Variants in MYO5A observed in about 807,000 individuals in gnomAD.
The protein encoded by MYO5A is myosin VA, also known as unconventional myosin-Va.
Under a neutral mutation model 249.7 loss-of-function variants are expected in MYO5A, and 98 were observed. That is an observed-to-expected ratio of 0.39 (90% CI 0.33 to 0.46). The LOEUF (loss-of-function observed/expected upper bound fraction) is 0.46. MYO5A is among the 20% of genes least tolerant of loss of function. The probability of loss-of-function intolerance (pLI) is 0.98; values close to 1 mark genes in which losing one functional copy is unlikely to be tolerated. For missense variants in MYO5A, 1,696 were observed against 2,308.8 expected, an observed-to-expected ratio of 0.73 and a Z score of 5.44; for synonymous variants, 778 against 810.6, an observed-to-expected ratio of 0.96 and a Z score of 0.68.
intron 1 of MYO5A, among the ~76,000 whole-genome samples, chr15:52,492,279 G>A (rs1394599036): frequency 6.6e-6 from 1 of 152,136 alleles, no homozygotes; most frequent in Non-Finnish European, 1.5e-5. Flanking sequence ...AAAAGACACG[G>A]AGCAAAATCA....
chr15:52,328,121 G>A, intron 35 of MYO5A, 115 bp from the exon 36 acceptor site: 1 of 859,790 alleles, frequency 1.2e-6, no homozygotes, highest in Non-Finnish European at 1.8e-6. Flanking sequence ...AGGTAAGTAG[G>A]TAATATAAAA....
rs566124725 is a variant in MYO5A at position 52,318,179 on chromosome 15, A to G, written c.5234+881T>C. On this transcript the variant is annotated intron_variant, in intron 39 of 41. Transcript: ENST00000399233. ...TTTTAAAATAAAAAATTTGTGGCCC[A>G]GCACGGTGGCTCACACCTGTAATCC... is the stretch of plus-strand genomic sequence containing the variant. Among the ~76,000 whole-genome samples the G allele has an allele frequency of 9.1e-4, 139 of 152,228 alleles. 6 individuals carry two copies. In the South Asian group the frequency reaches 0.028, roughly 31 times the overall value.
intron 31 of MYO5A, among the ~76,000 whole-genome samples, chr15:52,341,841 T>C (rs747812628): frequency 6.6e-6 from 1 of 152,214 alleles, no homozygotes; most frequent in Non-Finnish European, 1.5e-5. Flanking sequence ...AAGACAAATA[T>C]CACTAGAGCA....
At chr15:52,340,442 G>A in intron 31 of MYO5A, 48 bp from the exon 32 acceptor site, 1 of 1,555,092 alleles carries the variant, frequency 6.4e-7, no homozygotes, top group Non-Finnish European at 8.8e-7. Context: ...ACCCCGAGTT[G>A]CTGCCTAACG....
At position 52,375,389 on chromosome 15, in the gene MYO5A, C is replaced by T. The variant is rs771242490; in HGVS notation, c.2492G>A (p.Arg831His). The change falls in exon 20 of 42, where the codon CGC becomes CAC. Residue 831 changes from arginine (R) to histidine (H), a missense_variant. Arg to His is a conservative substitution (Grantham distance 29). Coordinates refer to ENST00000399233, the MANE Select transcript of MYO5A (RefSeq NM_001382347.1). ...IQKYWRMYVV[R>H]RRYKIRRAAT... ...AGCTCGTCTAATCTTGTACCTCCTG[C>T]GGACCACATACATGCGCCAGTACTT... The T allele has an allele frequency of 2.5e-5, 41 of 1,613,998 alleles. No individual in the cohort carries two copies. The highest frequency in any genetic ancestry group is 2.2e-4 in the Admixed American group (13 of 60,006).
chr15:52,528,218 GGCA>G (rs1371161443), intron 1 of MYO5A, among the ~76,000 whole-genome samples: 2 of 152,134 alleles, frequency 1.3e-5, no homozygotes, highest in Non-Finnish European at 2.9e-5. Context: ...GCGTTCATCC[GGCA>G]GCATCTTTCC....
intron 9 of MYO5A, among the ~76,000 whole-genome samples, chr15:52,402,868 AAAAACAAAAC>A (rs369002979): frequency 6.6e-6 from 1 of 152,020 alleles, no homozygotes; most frequent in African/African-American, 2.4e-5. Context: ...CAAAAAAACA[AAAAACAAAAC>A]AAAACAAAAC....
At chr15:52,388,666 A>G (rs1442536247) in intron 13 of MYO5A, among the ~76,000 whole-genome samples, 1 of 152,174 alleles carries the variant, frequency 6.6e-6, no homozygotes, top group Non-Finnish European at 1.5e-5. Flanking sequence ...TACACTATAG[A>G]ACTTGTGAAG....
chr15:52,469,755 A>G (rs544252085), intron 1 of MYO5A, among the ~76,000 whole-genome samples: 5 of 151,980 alleles, frequency 3.3e-5, no homozygotes, highest in African/African-American at 1.2e-4. Context: ...AAAAATCAGA[A>G]CTCTTCTGCT....
chr15:52,350,717 C>T (rs767758458), intron 28 of MYO5A, among the ~76,000 whole-genome samples: 20 of 152,170 alleles, frequency 1.3e-4, no homozygotes, highest in Non-Finnish European at 2.5e-4. Context: ...ATCCTCAGTG[C>T]AGGAGTCCTC....
intron 13 of MYO5A, 62 bp from the exon 14 acceptor site, chr15:52,387,974 C>T: frequency 8.5e-7 from 1 of 1,171,182 alleles, no homozygotes; most frequent in Non-Finnish European, 1.3e-6. Context: ...TTATAATCAT[C>T]AATAATAAGA....
chr15:52,375,342 A>G lies in MYO5A; in HGVS notation c.2539T>C (p.Tyr847His), dbSNP rs370606839. 1 of 1,614,006 alleles carries G rather than the reference A, an allele frequency of 6.2e-7. No individual in the cohort carries two copies. Among genetic ancestry groups the G allele is most frequent in the African/African-American group, 1.3e-5 (1 of 74,916 alleles). The change falls in exon 20 of 42, where the codon TAC becomes CAC. Residue 847 changes from tyrosine (Y) to histidine (H), a missense_variant. Physicochemically the swap from Tyr to His is moderately conservative, Grantham distance 83. Coordinates refer to ENST00000399233, the MANE Select transcript of MYO5A (RefSeq NM_001382347.1). ...TTTCTGGCCAAGAAGCCTCGCAAGT[A>G]AGACTGAAGAACGATAGTGGCAGCT... ...RRAATIVLQS[Y>H]LRGFLARNRY...
rs2037777497 is a variant in MYO5A, at chr15:52,311,625, T to C, written c.*2071A>G. The C allele has an allele frequency of 6.6e-6, 1 of 152,188 alleles. No homozygotes were observed. Among genetic ancestry groups the C allele is most frequent in the South Asian group, 2.1e-4 (1 of 4,828 alleles). The allele number at this position is 152,188 out of a possible 1,614,324, so 9.4% of individuals were successfully genotyped here. On this transcript the variant is annotated 3_prime_UTR_variant, in exon 42 of 42. Coordinates refer to ENST00000399233, the MANE Select transcript of MYO5A (RefSeq NM_001382347.1). ...ATAAATCATGTACATTTAAGAAAGG[T>C]TACAGCTACACAAACTTGTGATTTT...
At chr15:52,354,405 T>C (rs1384239842) in intron 25 of MYO5A, among the ~76,000 whole-genome samples, 1 of 152,216 alleles carries the variant, frequency 6.6e-6, no homozygotes, top group African/African-American at 2.4e-5. Flanking sequence ...CAGAAATACT[T>C]ACACAAGTAT....
intron 1 of MYO5A, among the ~76,000 whole-genome samples, chr15:52,491,790 C>G (rs72623986): frequency 0.15 from 22,892 of 152,134 alleles, 1,830 homozygotes; most frequent in Middle Eastern, 0.22. Flanking sequence ...CTAGATCCAA[C>G]TACTAATTTA....
At chr15:52,321,284 G>C (rs1202923303) in intron 38 of MYO5A, 75 bp downstream of exon 38, 1 of 1,581,314 alleles carries the variant, frequency 6.3e-7, no homozygotes, top group African/African-American at 1.3e-5. Context: ...CCTGAAACAT[G>C]TGCCACTGGT....
At chr15:52,421,852 T>C (rs1381804161) in intron 4 of MYO5A, among the ~76,000 whole-genome samples, 1 of 152,228 alleles carries the variant, frequency 6.6e-6, no homozygotes, top group Non-Finnish European at 1.5e-5. Context: ...TGATTAGTTA[T>C]TGGTAGATAC....
intron 20 of MYO5A, among the ~76,000 whole-genome samples, chr15:52,373,699 CA>C (rs2041250429): frequency 6.6e-6 from 1 of 152,120 alleles, no homozygotes; most frequent in Non-Finnish European, 1.5e-5. Flanking sequence ...CCAGTGACCT[CA>C]AAACCCAGCT....
At chr15:52,513,476 G>GTGCCAC (rs1275881485) in intron 1 of MYO5A, among the ~76,000 whole-genome samples, 2 of 147,852 alleles carry the variant, frequency 1.4e-5, no homozygotes, top group East Asian at 4.2e-4. Context: ...CCAGGCTGGA[G>GTGCCAC]TGCAGTGGCA....
Sources: allele counts gnomAD v4.1 joint callset (sites outside exome capture counted in the v4.1 genomes callset), GRCh38; gene constraint gnomAD v4.1.1; transcripts MANE v1.5; gene names NCBI Gene and HGNC (gene_info 2026-07-23, HGNC 2026-07-21).